Variants in TEX11 observed in about 807,000 individuals in gnomAD.
TEX11 encodes the protein testis-expressed protein 11.
A neutral mutation model predicts 84.4 loss-of-function variants in TEX11; 7 were observed. The observed-to-expected ratio is 0.08, with a 90% CI of 0.05 to 0.16. The LOEUF is 0.16. TEX11 is among the 10% of genes least tolerant of loss of function. The pLI is 1.00. For synonymous variants in TEX11, 264 were observed against 222.8 expected (o/e 1.18, Z -1.64); for missense variants, 551 against 660.5 (o/e 0.83, Z 1.82).
chrX:70,854,334 G>T (rs980214902), intron 5 of TEX11, among the ~76,000 whole-genome samples: 22 of 110,987 alleles, frequency 2.0e-4, no homozygotes, highest in African/African-American at 6.9e-4. Context: ...GAAGGTTAAA[G>T]GGAAAGAGAG....
intron 13 of TEX11, among the ~76,000 whole-genome samples, chrX:70,708,928 TAA>T (rs199631813): frequency 2.7e-4 from 25 of 93,740 alleles, no homozygotes; most frequent in African/African-American, 9.1e-4. Context: ...TTGAAATAAT[TAA>T]AAAAAAAAAA....
intron 7 of TEX11, among the ~76,000 whole-genome samples, chrX:70,850,484 G>A (rs151169972): frequency 2.1e-4 from 23 of 108,891 alleles, no homozygotes; most frequent in Non-Finnish European, 4.0e-4. Flanking sequence ...GTTCATGCCT[G>A]TAATTCCAGC....
intron 11 of TEX11, among the ~76,000 whole-genome samples, chrX:70,731,147 C>T (rs370788560): frequency 8.9e-6 from 1 of 111,872 alleles, no homozygotes; most frequent in East Asian, 2.8e-4. Context: ...GGGACACATT[C>T]AAAGCAGTGT....
At chrX:70,775,009 A>C (rs2090992968) in intron 9 of TEX11, among the ~76,000 whole-genome samples, 1 of 112,012 alleles carries the variant, frequency 8.9e-6, no homozygotes, top group Admixed American at 9.5e-5. Context: ...CAACACATAG[A>C]CCAATGGAAC....
intron 13 of TEX11, among the ~76,000 whole-genome samples, chrX:70,715,436 C>T (rs1005683180): frequency 4.5e-5 from 5 of 111,907 alleles, no homozygotes; most frequent in South Asian, 3.7e-4. Context: ...ACCAATCAGA[C>T]GTAGATTTGG....
rs759668569 is a variant in TEX11 at position 70,845,854 on chromosome X, G to A, written c.525+7180C>T. Among the ~76,000 whole-genome samples the A allele has an allele frequency of 1.5e-4, 17 of 110,543 alleles. No homozygotes were observed. The East Asian group carries it at 4.0e-3, about 26-fold the overall frequency. The stretch of plus-strand genomic sequence containing the variant: ...CACGCACACACAAAATAGTTAATTC[G>A]GCTCACAAATTAAACAATCACTTAA... On this transcript the variant is annotated intron_variant, in intron 7 of 29. Coordinates refer to ENST00000374333, the MANE Select transcript of TEX11 (RefSeq NM_031276.3).
chrX:70,565,951 G>A (rs1351886251), intron 25 of TEX11, among the ~76,000 whole-genome samples: 9 of 109,739 alleles, frequency 8.2e-5, no homozygotes, highest in Non-Finnish European at 1.7e-4. Context: ...AAAGTCATTG[G>A]TAGCTTGATG....
intron 9 of TEX11, among the ~76,000 whole-genome samples, chrX:70,744,644 G>A (rs2090757013): frequency 9.1e-6 from 1 of 109,590 alleles, no homozygotes; most frequent in Non-Finnish European, 1.9e-5. Flanking sequence ...TACTTTACAA[G>A]TGTATACAAG....
chrX:70,584,123 CA>C (rs1215551087), intron 25 of TEX11, among the ~76,000 whole-genome samples: 13 of 100,235 alleles, frequency 1.3e-4, no homozygotes, highest in Non-Finnish European at 2.0e-4. Context: ...ACTAAAAATA[CA>C]AAAAAAAAAT....
chrX:70,877,171 G>A (rs889211537), intron 3 of TEX11, among the ~76,000 whole-genome samples: 1 of 110,140 alleles, frequency 9.1e-6, no homozygotes, highest in Non-Finnish European at 1.9e-5. Flanking sequence ...GCGCCTGCCT[G>A]TAATCCCAGC....
the TEX11 span, among the ~76,000 whole-genome samples, chrX:70,517,313 TGA>T: frequency 4.6e-5 from 5 of 108,271 alleles, no homozygotes; most frequent in Admixed American, 9.8e-5. Flanking sequence ...CCTAGTTTAT[TGA>T]GAGTTTTTAG....
the TEX11 span, among the ~76,000 whole-genome samples, chrX:70,521,019 C>T: frequency 9.0e-6 from 1 of 111,505 alleles, no homozygotes; most frequent in Non-Finnish European, 1.9e-5. Flanking sequence ...TGGGAGTGTC[C>T]CGATTTTCCA....
At chrX:70,609,532 C>T (rs1053028962) in intron 21 of TEX11, among the ~76,000 whole-genome samples, 2 of 112,215 alleles carry the variant, frequency 1.8e-5, no homozygotes, top group Non-Finnish European at 3.8e-5. Flanking sequence ...AGAAGGGTAT[C>T]AATATGCTGG....
At chrX:70,707,412 G>A (rs2090386313) in intron 13 of TEX11, among the ~76,000 whole-genome samples, 1 of 110,241 alleles carries the variant, frequency 9.1e-6, no homozygotes, top group Non-Finnish European at 1.9e-5. Context: ...CTAAATTATT[G>A]TCCCCACACC....
At chrX:70,564,899 T>C (rs1344066812) in intron 25 of TEX11, among the ~76,000 whole-genome samples, 2 of 110,179 alleles carry the variant, frequency 1.8e-5, no homozygotes, top group Admixed American at 9.8e-5. Context: ...GCATGATTTA[T>C]AGTCCTTTGG....
At chrX:70,548,378 C>G (rs1199682579) in intron 28 of TEX11, among the ~76,000 whole-genome samples, 3 of 109,971 alleles carry the variant, frequency 2.7e-5, no homozygotes, top group East Asian at 5.6e-4. Flanking sequence ...TGTAACAAAC[C>G]TGCACATTGT....
At chrX:70,810,792 A>C (rs2091248294) in intron 8 of TEX11, among the ~76,000 whole-genome samples, 1 of 107,689 alleles carries the variant, frequency 9.3e-6, no homozygotes, top group Admixed American at 1.0e-4. Flanking sequence ...TAAAGTATTA[A>C]AAAAAAAAAG....
At chrX:70,664,331 T>C (rs1190308291) in intron 16 of TEX11, among the ~76,000 whole-genome samples, 1 of 111,805 alleles carries the variant, frequency 8.9e-6, no homozygotes, top group Non-Finnish European at 1.9e-5. Context: ...CAATTGGTTT[T>C]GGGATCCAAT....
At chrX:70,713,564 C>A (rs202037690) in intron 13 of TEX11, among the ~76,000 whole-genome samples, 1 of 111,836 alleles carries the variant, frequency 8.9e-6, no homozygotes, top group African/African-American at 3.2e-5. Flanking sequence ...TCTAGATTTT[C>A]TAGTTTGTTT....
Sources: gnomAD v4.1 joint callset for allele counts (sites outside exome capture counted in the v4.1 genomes callset) on GRCh38, gnomAD v4.1.1 for gene constraint, MANE v1.5 for transcripts, NCBI Gene and HGNC (gene_info 2026-07-23, HGNC 2026-07-21) for gene names.